Variants in SCFD2 observed in about 807,000 individuals in gnomAD.
SCFD2 encodes the protein sec1 family domain containing 2.
In SCFD2, 54 loss-of-function variants were observed where a neutral mutation model predicts 58.9. The ratio of observed to expected loss-of-function variants is 0.92; its 90% CI spans 0.74 to 1.15. The LOEUF is 1.15. Ranked by LOEUF, SCFD2 falls within the 50% of genes most tolerant of loss-of-function variation. SCFD2 has a pLI of 0.00. For missense variants in SCFD2, 805 were observed against 836.6 expected (o/e 0.96, Z 0.47); for synonymous variants, 321 against 335.9 (o/e 0.96, Z 0.49).
At chr4:53,211,260 A>G (rs1343978048) in intron 4 of SCFD2, among the ~76,000 whole-genome samples, 2 of 148,290 alleles carry the variant, frequency 1.3e-5, no homozygotes, top group East Asian at 2.0e-4. Flanking sequence ...AAAAAAATCC[A>G]AGAGAACTGT....
chr4:53,192,623 G>C (rs1727947709), intron 4 of SCFD2, among the ~76,000 whole-genome samples: 2 of 152,114 alleles, frequency 1.3e-5, no homozygotes, highest in African/African-American at 2.4e-5. Flanking sequence ...TGCCATTCTT[G>C]ACCCACTCAA....
intron 5 of SCFD2, among the ~76,000 whole-genome samples, chr4:53,029,712 C>T (rs1178202469): frequency 2.0e-5 from 3 of 152,130 alleles, no homozygotes; most frequent in Non-Finnish European, 4.4e-5. Flanking sequence ...GATAAATGTG[C>T]AAAGGCAGTT....
At chr4:53,304,421 T>G (rs997174835) in intron 3 of SCFD2, among the ~76,000 whole-genome samples, 1 of 152,120 alleles carries the variant, frequency 6.6e-6, no homozygotes, top group African/African-American at 2.4e-5. Flanking sequence ...CTGAAGAGTG[T>G]TTTCCAACTT....
At chr4:53,235,260 G>A (rs760282593) in intron 4 of SCFD2, among the ~76,000 whole-genome samples, 1 of 152,198 alleles carries the variant, frequency 6.6e-6, no homozygotes, top group Admixed American at 6.5e-5. Flanking sequence ...AGAACAGGTG[G>A]TAAGAACATA....
chr4:52,937,843 TG>T (rs1720182674), intron 5 of SCFD2, among the ~76,000 whole-genome samples: 1 of 152,338 alleles, frequency 6.6e-6, no homozygotes, highest in Non-Finnish European at 1.5e-5. Flanking sequence ...GGTTACTTAC[TG>T]GTTCATTCTG....
intron 5 of SCFD2, among the ~76,000 whole-genome samples, chr4:52,972,632 T>A (rs1420203137): frequency 6.6e-6 from 1 of 152,020 alleles, no homozygotes. Flanking sequence ...AACAAGGATA[T>A]CCAAGAATTG....
intron 3 of SCFD2, among the ~76,000 whole-genome samples, chr4:53,298,613 A>G (rs1732141539): frequency 6.6e-6 from 1 of 152,160 alleles, no homozygotes; most frequent in East Asian, 1.9e-4. Flanking sequence ...CTCCCAGCAC[A>G]CAGCTTGAGA....
intron 4 of SCFD2, among the ~76,000 whole-genome samples, chr4:53,230,832 T>C (rs1406172840): frequency 1.3e-5 from 2 of 152,130 alleles, no homozygotes; most frequent in Non-Finnish European, 2.9e-5. Context: ...AGATATTCAA[T>C]ACCTCAGATC....
At chr4:53,210,319 C>T (rs1728568893) in intron 4 of SCFD2, among the ~76,000 whole-genome samples, 2 of 152,020 alleles carry the variant, frequency 1.3e-5, no homozygotes, top group Admixed American at 6.6e-5. Context: ...TTTGTGTAGG[C>T]CAATAGTTCT....
At chr4:52,987,053 G>A (rs1267124106) in intron 5 of SCFD2, among the ~76,000 whole-genome samples, 3 of 151,938 alleles carry the variant, frequency 2.0e-5, no homozygotes, top group Middle Eastern at 3.4e-3. Flanking sequence ...TTTTTGAGAC[G>A]GAGTCTCGCT....
intron 4 of SCFD2, among the ~76,000 whole-genome samples, chr4:53,255,904 C>T (rs527940621): frequency 0.01 from 1,440 of 140,552 alleles, 20 homozygotes; most frequent in Non-Finnish European, 0.014. Context: ...CCTCACTTCC[C>T]AGTAGGGGCG....
intron 4 of SCFD2, among the ~76,000 whole-genome samples, chr4:53,195,001 C>A (rs1728019070): frequency 6.6e-6 from 1 of 152,204 alleles, no homozygotes; most frequent in East Asian, 1.9e-4. Context: ...CATGTAAAAA[C>A]CCCAAGTGGC....
chr4:53,346,790 T>C (rs1454201186), intron 2 of SCFD2, among the ~76,000 whole-genome samples: 1 of 152,124 alleles, frequency 6.6e-6, no homozygotes, highest in African/African-American at 2.4e-5. Context: ...TGGAGGACAA[T>C]ATAAGGGAGA....
intron 5 of SCFD2, among the ~76,000 whole-genome samples, chr4:52,982,440 A>G (rs1721397460): frequency 6.6e-6 from 1 of 152,224 alleles, no homozygotes; most frequent in South Asian, 2.1e-4. Flanking sequence ...CTTCTACATA[A>G]GTAGTCAGAG....
chr4:53,277,053 A>G (rs1440307874), intron 3 of SCFD2, among the ~76,000 whole-genome samples: 1 of 152,066 alleles, frequency 6.6e-6, no homozygotes, highest in African/African-American at 2.4e-5. Context: ...AGTGTCATTC[A>G]CTTTTATTGA....
chr4:53,024,919 G>T (rs1171140631), intron 5 of SCFD2, among the ~76,000 whole-genome samples: 1 of 152,002 alleles, frequency 6.6e-6, no homozygotes, highest in Admixed American at 6.6e-5. Context: ...AACCCCTCTT[G>T]ACTCCCCCTA....
chr4:53,015,894 A>G (rs963379842), intron 5 of SCFD2, among the ~76,000 whole-genome samples: 1 of 152,196 alleles, frequency 6.6e-6, no homozygotes, highest in Non-Finnish European at 1.5e-5. Flanking sequence ...AAATGCATTT[A>G]TCTAACATCA....
chr4:52,935,063 T>C (rs578029139), intron 5 of SCFD2, among the ~76,000 whole-genome samples: 1 of 152,302 alleles, frequency 6.6e-6, no homozygotes, highest in Non-Finnish European at 1.5e-5. Context: ...TTACTAAATC[T>C]AAATAGCCAC....
chr4:52,885,186 C>T (rs115088739), intron 8 of SCFD2, among the ~76,000 whole-genome samples: 499 of 152,272 alleles, frequency 3.3e-3, no homozygotes, highest in Non-Finnish European at 4.6e-3. Context: ...TTCCCACACT[C>T]CTCTGGCCCC....
Sources: gnomAD v4.1 joint callset for allele counts (sites outside exome capture counted in the v4.1 genomes callset) on GRCh38, gnomAD v4.1.1 for gene constraint, MANE v1.5 for transcripts, NCBI Gene and HGNC (gene_info 2026-07-23, HGNC 2026-07-21) for gene names.